Variants in TRDN observed in about 807,000 individuals in gnomAD.
TRDN encodes triadin.
In TRDN, 161 loss-of-function variants were observed where a neutral mutation model predicts 149.7. The ratio of observed to expected loss-of-function variants is 1.08; its 90% CI spans 0.95 to 1.23. TRDN has a LOEUF of 1.23. Among genes scored for constraint, TRDN ranks in the 50% most tolerant of loss-of-function variants. The probability of loss-of-function intolerance (pLI) is 0.00; values close to 1 mark genes in which losing one functional copy is unlikely to be tolerated. For missense variants in TRDN, 896 were observed against 823.5 expected (o/e 1.09, Z -1.08); for synonymous variants, 294 against 250.5 (o/e 1.17, Z -1.64).
intron 12 of TRDN, among the ~76,000 whole-genome samples, chr6:123,421,982 A>G (rs765164795): frequency 3.2e-4 from 48 of 152,036 alleles, no homozygotes; most frequent in African/African-American, 4.4e-4. Context: ...AAAAAGAAAT[A>G]TTTCCAAGAA....
At chr6:123,482,072 G>A (rs1777773436) in intron 9 of TRDN, among the ~76,000 whole-genome samples, 1 of 152,164 alleles carries the variant, frequency 6.6e-6, no homozygotes, top group African/African-American at 2.4e-5. Flanking sequence ...GTGGGAAAAT[G>A]TCTTTCGTTT....
At chr6:123,528,826 C>T (rs1324022970) in intron 5 of TRDN, 1 of 1,001,356 alleles carries the variant, frequency 1.0e-6, no homozygotes, top group Non-Finnish European at 1.2e-6. Flanking sequence ...AACATAAGCT[C>T]TCTCTGATTT....
In TRDN at chr6:123,435,777, T is replaced by C. The variant is rs548777198; in HGVS notation, c.1051+2286A>G. Among the ~76,000 whole-genome samples the C allele has an allele frequency of 3.7e-4, 56 of 152,270 alleles. 1 individual carries two copies. In the South Asian group the frequency reaches 0.011, roughly 31 times the overall value. ...TGTGCTGAGCAATTACTCAGTTTGG[T>C]CTCTGCTTCGGTGGCTGAGCACTGT... On this transcript the variant is annotated intron_variant, in intron 12 of 40. Coordinates refer to ENST00000334268, the MANE Select transcript of TRDN (RefSeq NM_006073.4).
chr6:123,256,788 AGTTCCTTTTGCT>A (rs1483328537), intron 35 of TRDN, among the ~76,000 whole-genome samples: 1 of 151,870 alleles, frequency 6.6e-6, no homozygotes, highest in African/African-American at 2.4e-5. Context: ...CTCTGATGAT[AGTTCCTTTTGCT>A]GTGCAGAAGC....
intron 10 of TRDN, among the ~76,000 whole-genome samples, chr6:123,452,148 T>C (rs1258771600): frequency 6.6e-6 from 1 of 152,090 alleles, no homozygotes; most frequent in African/African-American, 2.4e-5. Flanking sequence ...ATATATTGAA[T>C]GGGTAAAAGT....
chr6:123,494,069 C>A (rs1042761496), intron 9 of TRDN, among the ~76,000 whole-genome samples: 1 of 152,038 alleles, frequency 6.6e-6, no homozygotes. Context: ...TCAAGTATTT[C>A]TTTCATTTCT....
At chr6:123,472,538 A>G (rs1777226768) in intron 9 of TRDN, among the ~76,000 whole-genome samples, 1 of 152,196 alleles carries the variant, frequency 6.6e-6, no homozygotes, top group Non-Finnish European at 1.5e-5. Context: ...CTTTCTTAGG[A>G]AAACAAAGCA....
chr6:123,546,428 G>GT (rs1274762996), intron 4 of TRDN, among the ~76,000 whole-genome samples: 1 of 152,070 alleles, frequency 6.6e-6, no homozygotes, highest in African/African-American at 2.4e-5. Context: ...GGCTGAAACT[G>GT]TAAGTTTGGA....
At chr6:123,342,738 T>G (rs1780110214) in intron 21 of TRDN, among the ~76,000 whole-genome samples, 1 of 151,990 alleles carries the variant, frequency 6.6e-6, no homozygotes, top group African/African-American at 2.4e-5. Flanking sequence ...ACACTATACC[T>G]CTGGGAGCAT....
chr6:123,498,720 CA>C, intron 8 of TRDN: 1 of 419,506 alleles, frequency 2.4e-6, no homozygotes, highest in Non-Finnish European at 5.0e-6. Flanking sequence ...TTTTCCTGAA[CA>C]AAACTGTAGA....
intron 1 of TRDN, among the ~76,000 whole-genome samples, chr6:123,574,865 T>TATATATATATATATATATATAC (rs1782759365): frequency 6.1e-5 from 7 of 114,354 alleles, no homozygotes; most frequent in Admixed American, 5.9e-4. Context: ...TACATATATA[T>TATATATATATATATATATATAC]ATATATATAT....
rs7744159 is a variant in TRDN at position 123,548,314 on chromosome 6, A to G, written c.391+140T>C. 0.023 allele frequency: 11,927 copies of G among 512,654 alleles called. 209 individuals are homozygous for G. Among genetic ancestry groups the G allele is most frequent in the African/African-American group, 0.067 (3,373 of 50,562 alleles). 31.8% of individuals were successfully genotyped at this position (512,654 alleles called of 1,614,324 possible). A position where few individuals can be genotyped will look rare whatever the true frequency, so the allele number is the denominator to read the frequency against. ...TTACTGTGTTTGGCAGCCTGTTGAT[A>G]TGCTTTTAGCAGTCAGAAGTGTATT... On this transcript the variant is annotated intron_variant, in intron 3 of 40. Coordinates refer to ENST00000334268, the MANE Select transcript of TRDN (RefSeq NM_006073.4).
chr6:123,600,943 A>G (rs1031553251), intron 1 of TRDN, among the ~76,000 whole-genome samples: 1 of 152,246 alleles, frequency 6.6e-6, no homozygotes, highest in South Asian at 2.1e-4. Flanking sequence ...ATTATTATTT[A>G]TATGTACTTA....
At position 123,366,185 on chromosome 6, in the gene TRDN, G is replaced by A; in HGVS notation, c.1274-3C>T. The A allele has an allele frequency of 1.9e-6, 3 of 1,612,604 alleles. No individual in the cohort carries two copies. Among genetic ancestry groups the A allele is most frequent in the Non-Finnish European group, 1.7e-6 (2 of 1,179,076 alleles). On this transcript the variant is annotated splice_polypyrimidine_tract_variant and splice_region_variant and intron_variant, in intron 19 of 40. Coordinates refer to ENST00000334268, the MANE Select transcript of TRDN (RefSeq NM_006073.4). ...CTCCTCTTTGGCTCGTTCAGTTTCT[G>A]CAAGTTCAGATATTAAAGGAATGAG...
intron 1 of TRDN, among the ~76,000 whole-genome samples, chr6:123,623,307 T>C (rs73540831): frequency 0.01 from 1,561 of 152,184 alleles, 25 homozygotes; most frequent in African/African-American, 0.036. Flanking sequence ...ATATATAAAA[T>C]TGAAAGATAA....
intron 1 of TRDN, among the ~76,000 whole-genome samples, chr6:123,588,740 G>C (rs1039913202): frequency 9.2e-5 from 14 of 152,148 alleles, no homozygotes; most frequent in Admixed American, 2.6e-4. Flanking sequence ...TAAGGGTAAG[G>C]ATTTCAACAT....
At chr6:123,381,434 G>A in intron 15 of TRDN, 44 bp from the exon 16 acceptor site, 1 of 1,525,100 alleles carries the variant, frequency 6.6e-7, no homozygotes, top group Non-Finnish European at 8.9e-7. Context: ...AAACTTTAAA[G>A]ATAAAACGTA....
intron 38 of TRDN, among the ~76,000 whole-genome samples, chr6:123,234,963 A>G (rs772969128): frequency 4.9e-4 from 74 of 152,238 alleles, no homozygotes; most frequent in Admixed American, 2.4e-3. Flanking sequence ...CAATGATAAA[A>G]TTGTCCTAGG....
rs114531816 is a variant in TRDN, at chr6:123,370,864, T to C, written c.1274-4682A>G. ...TTTTTCTTTTTTTAATGCAGTCTTA[T>C]ATCTAGTGCCCATTTTTTTTTCTGC... On this transcript the variant is annotated intron_variant, in intron 19 of 40. Transcript: ENST00000334268. 2.1e-3 allele frequency among the ~76,000 whole-genome samples: 317 copies of C among 151,970 alleles called. 3 individuals are homozygous for C. The highest frequency in any genetic ancestry group is 7.5e-3 in the African/African-American group (310 of 41,510).
Sources: gnomAD v4.1 joint callset for allele counts (sites outside exome capture counted in the v4.1 genomes callset) on GRCh38, gnomAD v4.1.1 for gene constraint, MANE v1.5 for transcripts, NCBI Gene and HGNC (gene_info 2026-07-23, HGNC 2026-07-21) for gene names.